The following PCDH7 variants were observed in gnomAD, a reference collection of about 807,000 sequenced individuals.
PCDH7 encodes the protein protocadherin-7.
PCDH7 carries 17 observed loss-of-function variants against 58.9 expected under a neutral mutation model. The observed-to-expected ratio is 0.29, with a 90% CI of 0.20 to 0.43. The LOEUF is 0.43. Ranked by LOEUF, PCDH7 falls within the 20% of genes least tolerant of loss-of-function variation. The pLI is 1.00. For missense variants in PCDH7, 1,274 were observed against 1,441.0 expected (o/e 0.88, Z 1.88); for synonymous variants, 664 against 616.4 (o/e 1.08, Z -1.14).
intron 3 of PCDH7, among the ~76,000 whole-genome samples, chr4:31,064,910 A>T (rs2109243420): frequency 6.6e-6 from 1 of 152,136 alleles, no homozygotes; most frequent in South Asian, 2.1e-4. Flanking sequence ...TTCATATATT[A>T]TTTCATAGCT....
intron 3 of PCDH7, among the ~76,000 whole-genome samples, chr4:31,112,895 A>G (rs774917124): frequency 2.0e-5 from 3 of 152,126 alleles, no homozygotes; most frequent in Non-Finnish European, 4.4e-5. Flanking sequence ...TAATTATGCT[A>G]TTTGGGATAA....
At chr4:31,143,711 C>G (rs970162890), downstream of PCDH7, 1 of 151,906 alleles carries the variant, frequency 6.6e-6, no homozygotes, top group African/African-American at 2.4e-5. Context: ...TATGGCAGAT[C>G]AGGGAAGTCA....
chr4:31,010,361 GT>G (rs1414896072), intron 3 of PCDH7, among the ~76,000 whole-genome samples: 1 of 151,812 alleles, frequency 6.6e-6, no homozygotes, highest in Non-Finnish European at 1.5e-5. Flanking sequence ...TTACTTGCTT[GT>G]TTTTTGCTTT....
At chr4:30,813,373 C>G (rs1049207656) in intron 1 of PCDH7, among the ~76,000 whole-genome samples, 2 of 152,104 alleles carry the variant, frequency 1.3e-5, no homozygotes, top group Non-Finnish European at 2.9e-5. Flanking sequence ...TTTTATCAAT[C>G]TCCGGATCCT....
chr4:30,831,589 T>C (rs1475383790), intron 1 of PCDH7, among the ~76,000 whole-genome samples: 1 of 152,070 alleles, frequency 6.6e-6, no homozygotes, highest in Non-Finnish European at 1.5e-5. Context: ...AGCGGATTAA[T>C]ACAAAATAAA....
intron 1 of PCDH7, among the ~76,000 whole-genome samples, chr4:30,779,188 TG>T (rs1203951233): frequency 1.5e-4 from 23 of 151,526 alleles, no homozygotes; most frequent in African/African-American, 5.6e-4. Flanking sequence ...CACACCCGGC[TG>T]TTTTTTTGTG....
At chr4:30,983,138 C>G (rs773384787) in intron 3 of PCDH7, among the ~76,000 whole-genome samples, 1 of 152,130 alleles carries the variant, frequency 6.6e-6, no homozygotes, top group South Asian at 2.1e-4. Context: ...CTGCTTCCAC[C>G]TAAGACCATG....
chr4:30,902,309 C>G (rs1314301074), intron 1 of PCDH7, among the ~76,000 whole-genome samples: 1 of 151,920 alleles, frequency 6.6e-6, no homozygotes, highest in East Asian at 1.9e-4. Flanking sequence ...TTTACTTCAG[C>G]GTTCTTTGTC....
intron 1 of PCDH7, among the ~76,000 whole-genome samples, chr4:30,828,766 T>G (rs1355806632): frequency 6.6e-6 from 1 of 152,078 alleles, no homozygotes; most frequent in Non-Finnish European, 1.5e-5. Context: ...TTATGGCTGC[T>G]GAAGGTATTT....
intron 1 of PCDH7, among the ~76,000 whole-genome samples, chr4:30,795,020 C>A (rs1724610349): frequency 1.3e-5 from 2 of 152,004 alleles, no homozygotes; most frequent in Non-Finnish European, 2.9e-5. Flanking sequence ...CTTGGATTTT[C>A]TATGAAAATA....
chr4:30,767,605 G>A (rs796977143), intron 1 of PCDH7, among the ~76,000 whole-genome samples: 49 of 151,898 alleles, frequency 3.2e-4, no homozygotes, highest in African/African-American at 1.2e-3. Context: ...CCTGGACTCT[G>A]ATGAAAATCT....
chr4:30,813,304 A>G (rs1391472927), intron 1 of PCDH7, among the ~76,000 whole-genome samples: 2 of 152,218 alleles, frequency 1.3e-5, no homozygotes, highest in Non-Finnish European at 2.9e-5. Flanking sequence ...AGACAAAGGC[A>G]TTAGTAAAAA....
chr4:30,917,566 T>C (rs987685220), intron 1 of PCDH7, among the ~76,000 whole-genome samples: 2 of 151,980 alleles, frequency 1.3e-5, no homozygotes, highest in African/African-American at 4.8e-5. Context: ...AAAAAGCATT[T>C]TATACAAGAA....
intron 1 of PCDH7, among the ~76,000 whole-genome samples, chr4:30,842,884 T>C (rs1326639199): frequency 6.6e-6 from 1 of 152,094 alleles, no homozygotes; most frequent in Non-Finnish European, 1.5e-5. Context: ...TCTTTTATTT[T>C]GCTCACAGTA....
At chr4:31,091,525 C>T (rs1713248331) in intron 3 of PCDH7, among the ~76,000 whole-genome samples, 1 of 151,736 alleles carries the variant, frequency 6.6e-6, no homozygotes, top group Non-Finnish European at 1.5e-5. Context: ...CTAAATATCA[C>T]CTGGATTTAC....
intron 1 of PCDH7, among the ~76,000 whole-genome samples, chr4:30,853,087 G>A (rs953265440): frequency 5.9e-5 from 9 of 152,016 alleles, no homozygotes; most frequent in Non-Finnish European, 5.9e-5. Flanking sequence ...ATGTGAGGGG[G>A]ATGGGTGCTT....
chr4:30,782,660 G>A (rs981371635), intron 1 of PCDH7, among the ~76,000 whole-genome samples: 6 of 152,108 alleles, frequency 3.9e-5, no homozygotes, highest in Non-Finnish European at 8.8e-5. Flanking sequence ...AAGACCCAAA[G>A]AAATAAGTAA....
chr4:31,140,410 T>C (rs562462003), intron 3 of PCDH7, among the ~76,000 whole-genome samples: 1 of 152,172 alleles, frequency 6.6e-6, no homozygotes, highest in South Asian at 2.1e-4. Context: ...CATAAAGATT[T>C]TTTTATATTT....
chr4:30,806,583 C>T (rs556359874), intron 1 of PCDH7, among the ~76,000 whole-genome samples: 11 of 151,768 alleles, frequency 7.2e-5, no homozygotes, highest in African/African-American at 1.9e-4. Flanking sequence ...GAATTACAGG[C>T]GTGAGCCACT....
Sources: gnomAD v4.1 joint callset for allele counts (sites outside exome capture counted in the v4.1 genomes callset) on GRCh38, gnomAD v4.1.1 for gene constraint, MANE v1.5 for transcripts, NCBI Gene and HGNC (gene_info 2026-07-23, HGNC 2026-07-21) for gene names.